BLOC1S5: variants seen among roughly 807,000 people sequenced by gnomAD.
BLOC1S5 encodes biogenesis of lysosome-related organelles complex 1 subunit 5.
A neutral mutation model predicts 24.3 loss-of-function variants in BLOC1S5; 27 were observed. That is an observed-to-expected ratio of 1.11 (90% CI 0.82 to 1.53). BLOC1S5 has a LOEUF of 1.53. Among genes scored for constraint, BLOC1S5 ranks in the 40% most tolerant of loss-of-function variants. The pLI, the probability that BLOC1S5 is intolerant of heterozygous loss-of-function variation, is 0.00. For missense variants in BLOC1S5, 239 were observed against 229.4 expected, an observed-to-expected ratio of 1.04 and a Z score of -0.27; for synonymous variants, 84 against 74.5, an observed-to-expected ratio of 1.13 and a Z score of -0.66.
intron 4 of BLOC1S5, among the ~76,000 whole-genome samples, chr6:8,025,931 C>A (rs767761375): frequency 4.6e-5 from 7 of 152,218 alleles, no homozygotes; most frequent in Non-Finnish European, 8.8e-5. Flanking sequence ...AAGCAAAGCA[C>A]TGCCCAGCAA....
Position 8,034,445 on chromosome 6 carries a change from A to G in BLOC1S5, c.325+6694T>C, listed in dbSNP as rs61179873. 2.7e-4 allele frequency among the ~76,000 whole-genome samples: 41 copies of G among 152,310 alleles called. No homozygotes were observed. The East Asian group carries it at 4.8e-3, about 18-fold the overall frequency. On this transcript the variant is annotated intron_variant, in intron 3 of 4. Transcript: ENST00000397457. ...ATTGACAATGAGCCCCCTTGGACAC[A>G]GGGCAGGGAACATCACATGCTGGGG...
intron 2 of BLOC1S5, among the ~76,000 whole-genome samples, chr6:8,061,295 A>T (rs1402530583): frequency 2.6e-5 from 4 of 152,124 alleles, no homozygotes; most frequent in African/African-American, 7.2e-5. Flanking sequence ...AGACTTAAAA[A>T]TTTTTTTTAA....
At chr6:8,023,093 CAG>C (rs1261094633) in intron 4 of BLOC1S5, among the ~76,000 whole-genome samples, 5 of 152,120 alleles carry the variant, frequency 3.3e-5, no homozygotes, top group Non-Finnish European at 5.9e-5. Flanking sequence ...AAATTATTGA[CAG>C]ATATTATTAA....
chr6:8,064,219 G>C, intron 1 of BLOC1S5, 46 bp downstream of exon 1: 1 of 1,510,856 alleles, frequency 6.6e-7, no homozygotes, highest in Non-Finnish European at 9.0e-7. Flanking sequence ...TGGGAGATGA[G>C]GCTGTGCTGG....
intron 2 of BLOC1S5, chr6:8,054,161 C>T: frequency 5.3e-6 from 2 of 375,596 alleles, no homozygotes; most frequent in South Asian, 2.1e-5. Context: ...TTCTCTTTTC[C>T]CAGCTTTTCC....
chr6:8,036,420 A>G (rs1763491430), intron 3 of BLOC1S5, among the ~76,000 whole-genome samples: 1 of 152,176 alleles, frequency 6.6e-6, no homozygotes, highest in African/African-American at 2.4e-5. Context: ...CAAATTGGAA[A>G]ACCTAGAAGA....
At chr6:8,042,350 T>C (rs1172158840) in intron 2 of BLOC1S5, among the ~76,000 whole-genome samples, 1 of 152,234 alleles carries the variant, frequency 6.6e-6, no homozygotes. Context: ...TGTAGATACT[T>C]CCCTATATAG....
At chr6:8,054,661 T>G (rs1215353529) in intron 2 of BLOC1S5, among the ~76,000 whole-genome samples, 4 of 152,224 alleles carry the variant, frequency 2.6e-5, no homozygotes, top group Non-Finnish European at 5.9e-5. Flanking sequence ...GACTTAGCCA[T>G]TTTGTCTGGA....
At chr6:8,038,550 T>C (rs1763570004) in intron 3 of BLOC1S5, among the ~76,000 whole-genome samples, 1 of 152,200 alleles carries the variant, frequency 6.6e-6, no homozygotes. Context: ...CGTGGCGCTA[T>C]CTTGGCTCAC....
At chr6:8,057,082 G>T (rs1764336107) in intron 2 of BLOC1S5, among the ~76,000 whole-genome samples, 7 of 152,152 alleles carry the variant, frequency 4.6e-5, no homozygotes, top group Non-Finnish European at 1.0e-4. Context: ...AGCTGGACAT[G>T]GTGGTATATG....
intron 3 of BLOC1S5, among the ~76,000 whole-genome samples, chr6:8,030,667 T>C (rs1358242970): frequency 6.7e-6 from 1 of 149,086 alleles, no homozygotes. Context: ...ACGTCAGGAG[T>C]TCGAGACCAG....
intron 3 of BLOC1S5, among the ~76,000 whole-genome samples, chr6:8,027,847 A>C (rs1763162629): frequency 6.6e-6 from 1 of 151,872 alleles, no homozygotes; most frequent in Admixed American, 6.6e-5. Context: ...AAATACAATA[A>C]GCAATCAAGA....
intron 3 of BLOC1S5, among the ~76,000 whole-genome samples, chr6:8,034,498 G>A (rs1483819026): frequency 6.6e-6 from 1 of 152,178 alleles, no homozygotes; most frequent in African/African-American, 2.4e-5. Context: ...GGCTGGGGAA[G>A]GGATAGCATT....
At chr6:8,026,970 A>G (rs1034220538) in intron 3 of BLOC1S5, among the ~76,000 whole-genome samples, 12 of 152,214 alleles carry the variant, frequency 7.9e-5, no homozygotes, top group Non-Finnish European at 1.5e-4. Flanking sequence ...TCCATTTTAC[A>G]GATGACAAAA....
chr6:8,047,709 C>T (rs1581424688), intron 2 of BLOC1S5, among the ~76,000 whole-genome samples: 1 of 152,176 alleles, frequency 6.6e-6, no homozygotes, highest in African/African-American at 2.4e-5. Flanking sequence ...TGTAATTTAA[C>T]ATACTCCTTT....
intron 2 of BLOC1S5, among the ~76,000 whole-genome samples, chr6:8,050,801 C>T (rs544935427): frequency 1.3e-5 from 2 of 151,704 alleles, no homozygotes; most frequent in African/African-American, 2.4e-5. Context: ...GACGGGGTTT[C>T]GCCATGTTGG....
chr6:8,020,286 G>A (rs1762875153), intron 4 of BLOC1S5, among the ~76,000 whole-genome samples: 1 of 152,340 alleles, frequency 6.6e-6, no homozygotes, highest in Admixed American at 6.5e-5. Context: ...CGTCTGAGAG[G>A]CTGTTCTGCT....
chr6:8,054,489 T>C (rs2743992), intron 2 of BLOC1S5: 61,797 of 277,144 alleles, frequency 0.22, 8,625 homozygotes, highest in East Asian at 0.55. Flanking sequence ...GAAAGGCTCA[T>C]TGGAACAATC....
intron 2 of BLOC1S5, among the ~76,000 whole-genome samples, chr6:8,060,802 T>C (rs1764483629): frequency 6.6e-6 from 1 of 151,978 alleles, no homozygotes. Flanking sequence ...TTATAGCAAG[T>C]TTGTATAGAA....
Sources: gnomAD v4.1 joint callset for allele counts (sites outside exome capture counted in the v4.1 genomes callset) on GRCh38, gnomAD v4.1.1 for gene constraint, MANE v1.5 for transcripts, NCBI Gene and HGNC (gene_info 2026-07-23, HGNC 2026-07-21) for gene names.